The following PCCB variants were observed in gnomAD, a reference collection of about 807,000 sequenced individuals.
The protein encoded by PCCB is propionyl-CoA carboxylase beta chain, mitochondrial.
PCCB carries 43 observed loss-of-function variants against 60.7 expected under a neutral mutation model. The ratio of observed to expected loss-of-function variants is 0.71; its 90% CI spans 0.55 to 0.91. The LOEUF (loss-of-function observed/expected upper bound fraction) is 0.91, where lower values mean the gene tolerates loss of function less well. Among genes scored for constraint, PCCB ranks in the 40% least tolerant of loss-of-function variants. PCCB has a pLI of 0.00. For missense variants in PCCB, 766 were observed against 702.8 expected (o/e 1.09, Z -1.02); for synonymous variants, 276 against 255.9 (o/e 1.08, Z -0.75).
At chr3:136,253,036 A>G (rs1197249994) in intron 1 of PCCB, among the ~76,000 whole-genome samples, 1 of 134,344 alleles carries the variant, frequency 7.4e-6, no homozygotes, top group African/African-American at 2.8e-5. Flanking sequence ...ACAGTAGGCT[A>G]GGGTATTTGC....
At position 136,305,584 on chromosome 3, in the gene PCCB, A is replaced by G. The variant is rs1324545631; in HGVS notation, c.966+4473A>G. ...ACCAACACGGTGAAAACCTGTCTCTATTGAAAATACAAAAATTAGCCGGGT... is the reference window on the plus strand; with the variant it reads ...ACCAACACGGTGAAAACCTGTCTCTGTTGAAAATACAAAAATTAGCCGGGT... On this transcript the variant is annotated intron_variant, in intron 9 of 14. Coordinates refer to ENST00000251654, the MANE Select transcript of PCCB (RefSeq NM_000532.5). 1.2e-4 allele frequency among the ~76,000 whole-genome samples: 14 copies of G among 116,930 alleles called. 2 individuals carry two copies. Among genetic ancestry groups the G allele is most frequent in the African/African-American group, 3.1e-4 (12 of 39,122 alleles). The allele number at this position is 116,930 out of a possible 152,430, so 76.7% of individuals were successfully genotyped here. A position where few individuals can be genotyped will look rare whatever the true frequency, so the allele number is the denominator to read the frequency against.
chr3:136,302,210 C>A (rs34153877), intron 9 of PCCB, among the ~76,000 whole-genome samples: 21,413 of 77,948 alleles, frequency 0.27, 7,247 homozygotes, highest in South Asian at 0.52. Flanking sequence ...GGAACACTTG[C>A]GGAAATATCT....
intron 7 of PCCB, among the ~76,000 whole-genome samples, chr3:136,295,117 C>G (rs916947683): frequency 2.6e-5 from 4 of 152,120 alleles, no homozygotes; most frequent in African/African-American, 7.2e-5. Context: ...AAGAAACCAC[C>G]CAGCTGTGAA....
At chr3:136,293,216 T>G (rs1933778008) in intron 6 of PCCB, among the ~76,000 whole-genome samples, 1 of 152,192 alleles carries the variant, frequency 6.6e-6, no homozygotes, top group African/African-American at 2.4e-5. Context: ...TTGGCCAGGC[T>G]GGTCTTGAAC....
At chr3:136,280,107 TTACC>T (rs1323263117) in intron 5 of PCCB, among the ~76,000 whole-genome samples, 1 of 152,228 alleles carries the variant, frequency 6.6e-6, no homozygotes, top group Non-Finnish European at 1.5e-5. Context: ...ACTTTTATAT[TTACC>T]TAGGAAGTTA....
chr3:136,329,441 GCA>G (rs1288873580), intron 14 of PCCB, among the ~76,000 whole-genome samples: 1 of 152,196 alleles, frequency 6.6e-6, no homozygotes, highest in Non-Finnish European at 1.5e-5. Flanking sequence ...TTTGGAAGTT[GCA>G]CAGTGTCATT....
Position 136,293,802 on chromosome 3 carries a change from T to C in PCCB, c.701T>C (p.Val234Ala). The C allele has an allele frequency of 6.2e-7, 1 of 1,613,690 alleles. No homozygotes were observed. The highest frequency in any genetic ancestry group is 8.5e-7 in the Non-Finnish European group (1 of 1,179,624). The change falls in exon 7 of 15, where the codon GTC becomes GCC. Residue 234 changes from valine to alanine, a missense_variant. Val to Ala is a moderately conservative substitution (Grantham distance 64, BLOSUM62 0). Coordinates refer to ENST00000251654, the MANE Select transcript of PCCB (RefSeq NM_000532.5). ...ACTGGCCCTGATGTTGTGAAGTCTG[T>C]CACCAATGAGGATGTTACCCAGGAG... ...FITGPDVVKS[V>A]TNEDVTQEEL...
chr3:136,283,661 G>A (rs978773259), intron 5 of PCCB, among the ~76,000 whole-genome samples, 176 bp from the exon 6 acceptor site: 3 of 152,128 alleles, frequency 2.0e-5, no homozygotes, highest in African/African-American at 4.8e-5. Flanking sequence ...TACCAGTTAC[G>A]GGGAGAAAAT....
At chr3:136,288,106 G>A (rs1933504890) in intron 6 of PCCB, among the ~76,000 whole-genome samples, 1 of 152,108 alleles carries the variant, frequency 6.6e-6, no homozygotes, top group Admixed American at 6.5e-5. Context: ...GACTCAATTT[G>A]CATTAGTCCA....
At position 136,310,671 on chromosome 3, in the gene PCCB, G is replaced by A. The variant is rs970588577; in HGVS notation, c.967-6270G>A. 7.2e-5 allele frequency among the ~76,000 whole-genome samples: 11 copies of A among 152,280 alleles called. No homozygotes were observed. In the South Asian group the frequency reaches 2.3e-3, roughly 32 times the overall value. ...TTCCAAAATTTTTTAAAAGAAGTAT[G>A]ATATCAGTACCTGAACCTGATAAAG... On this transcript the variant is annotated intron_variant, in intron 9 of 14. Transcript: ENST00000251654.
At chr3:136,288,489 G>A (rs1933526585) in intron 6 of PCCB, among the ~76,000 whole-genome samples, 1 of 151,322 alleles carries the variant, frequency 6.6e-6, no homozygotes, top group African/African-American at 2.4e-5. Context: ...GGGACTACAG[G>A]CACACACTGC....
chr3:136,268,087 G>GAT (rs61160895), intron 5 of PCCB, among the ~76,000 whole-genome samples: 963 of 93,572 alleles, frequency 0.01, 15 homozygotes, highest in African/African-American at 0.015. Context: ...TGTGTGTGTA[G>GAT]ATATATATAT....
At position 136,297,981 on chromosome 3, in the gene PCCB, G is replaced by A. The variant is rs764731046; in HGVS notation, c.793G>A (p.Val265Ile). 1 of 1,614,010 alleles carries A rather than the reference G, an allele frequency of 6.2e-7. No homozygotes were observed. Among genetic ancestry groups the A allele is most frequent in the African/African-American group, 1.3e-5 (1 of 74,928 alleles). ...GGCCCACAGAGCTTTTGAAAATGAT[G>A]TTGATGCCTTGTGTAATCTCCGGGA... ...GVAHRAFENDVDALCNLRDFF... is the reference protein window; with the variant it reads ...GVAHRAFENDIDALCNLRDFF... The change falls in exon 8 of 15, where the codon GTT becomes ATT. Residue 265 changes from valine to isoleucine, a missense_variant. Transcript: ENST00000251654.
chr3:136,264,747 C>T (rs1431472846), intron 5 of PCCB, among the ~76,000 whole-genome samples: 29 of 151,406 alleles, frequency 1.9e-4, no homozygotes, highest in African/African-American at 5.8e-4. Context: ...TGGTGGCGGG[C>T]GCCTGTAGTC....
At chr3:136,321,691 C>G (rs1935115874) in intron 10 of PCCB, among the ~76,000 whole-genome samples, 1 of 152,284 alleles carries the variant, frequency 6.6e-6, no homozygotes, top group East Asian at 1.9e-4. Flanking sequence ...CTTCCTCTCT[C>G]AACACATGGG....
chr3:136,273,497 A>C (rs1019962922), intron 5 of PCCB, among the ~76,000 whole-genome samples: 4 of 148,708 alleles, frequency 2.7e-5, no homozygotes, highest in African/African-American at 9.9e-5. Flanking sequence ...GAGCTCCAGT[A>C]TTAGGTGAAT....
chr3:136,309,302 A>G (rs1471251394), intron 9 of PCCB, among the ~76,000 whole-genome samples: 1 of 151,810 alleles, frequency 6.6e-6, no homozygotes, highest in Non-Finnish European at 1.5e-5. Flanking sequence ...CAGATTCCCA[A>G]CTGGAAAAGC....
chr3:136,329,376 TC>T (rs1935455012), intron 14 of PCCB, among the ~76,000 whole-genome samples: 1 of 152,188 alleles, frequency 6.6e-6, no homozygotes, highest in East Asian at 1.9e-4. Context: ...AGTCCAGGCT[TC>T]CTTACATGGT....
intron 9 of PCCB, among the ~76,000 whole-genome samples, chr3:136,307,726 A>G (rs1934496262): frequency 6.6e-6 from 1 of 152,178 alleles, no homozygotes; most frequent in Non-Finnish European, 1.5e-5. Context: ...CTGTAATTCC[A>G]GTACTTTGGG....
Sources: gnomAD v4.1 joint callset for allele counts (sites outside exome capture counted in the v4.1 genomes callset) on GRCh38, gnomAD v4.1.1 for gene constraint, MANE v1.5 for transcripts, NCBI Gene and HGNC (gene_info 2026-07-23, HGNC 2026-07-21) for gene names.